Variants in SLC8A1 observed in about 807,000 individuals in gnomAD.
SLC8A1 encodes the protein sodium/calcium exchanger 1.
Under a neutral mutation model 68.3 loss-of-function variants are expected in SLC8A1, and 18 were observed. The ratio of observed to expected loss-of-function variants is 0.26; its 90% CI spans 0.18 to 0.39. SLC8A1 has a LOEUF of 0.39. SLC8A1 is among the 10% of genes least tolerant of loss of function. SLC8A1 has a pLI of 1.00. For synonymous variants in SLC8A1, 475 were observed against 415.5 expected (o/e 1.14, Z -1.74); for missense variants, 985 against 1,156.7 (o/e 0.85, Z 2.15).
At chr2:40,180,341 ATGAT>A (rs1316946111) in intron 2 of SLC8A1, among the ~76,000 whole-genome samples, 3 of 152,352 alleles carry the variant, frequency 2.0e-5, no homozygotes, top group Admixed American at 6.5e-5. Flanking sequence ...GATGTAAGGA[ATGAT>A]TGATTATTTG....
intron 2 of SLC8A1, among the ~76,000 whole-genome samples, chr2:40,327,217 T>A (rs2075924293): frequency 6.6e-6 from 1 of 152,244 alleles, no homozygotes; most frequent in Admixed American, 6.5e-5. Context: ...ACATTTCTAA[T>A]TTGATAGTCT....
chr2:40,304,165 T>C (rs1357842359), intron 2 of SLC8A1, among the ~76,000 whole-genome samples: 1 of 152,204 alleles, frequency 6.6e-6, no homozygotes, highest in East Asian at 1.9e-4. Context: ...GTTTTAATGG[T>C]AACTACAGAA....
At position 40,429,706 on chromosome 2, in the gene SLC8A1, T is replaced by C; in HGVS notation, c.575A>G (p.Asp192Gly). 1.2e-6 allele frequency: 2 copies of C among 1,613,856 alleles called. No homozygotes were observed. Among genetic ancestry groups the C allele is most frequent in the Non-Finnish European group, 1.7e-6 (2 of 1,179,910 alleles). The change falls in exon 2 of 8, where the codon GAC (aspartate) becomes GGC (glycine). Residue 192 changes from aspartate to glycine, a missense_variant. By Grantham distance (94) the Asp-to-Gly change is moderately conservative. Coordinates refer to ENST00000406785, the Ensembl canonical transcript of SLC8A1. ...ATGCTTAATCTTCCTTGTCTCTCCG[T>C]CAGGCACCACATAAACACAGAGTGC... is the stretch of plus-strand genomic sequence containing the variant.
intron 1 of SLC8A1, among the ~76,000 whole-genome samples, chr2:40,500,159 A>G (rs1447318744): frequency 6.6e-6 from 1 of 152,100 alleles, no homozygotes; most frequent in African/African-American, 2.4e-5. Flanking sequence ...CAACAACAAC[A>G]AAACCCCCAG....
At chr2:40,409,273 A>C (rs772607203) in intron 2 of SLC8A1, among the ~76,000 whole-genome samples, 4 of 152,120 alleles carry the variant, frequency 2.6e-5, no homozygotes, top group Admixed American at 2.6e-4. Flanking sequence ...GGTATATTCT[A>C]ATTTTTTTCC....
Position 40,321,377 on chromosome 2 carries a change from T to A in SLC8A1, c.1808+107096A>T, listed in dbSNP as rs146843605. Among the ~76,000 whole-genome samples the A allele has an allele frequency of 2.6e-5, 4 of 152,252 alleles. No individual in the cohort carries two copies. In the East Asian group the frequency reaches 7.7e-4, roughly 29 times the overall value. ...GGATTATATTTTTCAGAAAAGAAAC[T>A]AAACCTCAAGATTTGCATGCTAAGG... is the stretch of plus-strand genomic sequence containing the variant. On this transcript the variant is annotated intron_variant, in intron 2 of 7. Transcript: ENST00000406785.
chr2:40,143,914 G>A (rs2042018046), intron 6 of SLC8A1, among the ~76,000 whole-genome samples: 1 of 152,136 alleles, frequency 6.6e-6, no homozygotes, highest in Non-Finnish European at 1.5e-5. Context: ...CCACTTTATA[G>A]TTCTGACAGC....
chr2:40,361,468 T>C (rs1394406812), intron 2 of SLC8A1, among the ~76,000 whole-genome samples: 2 of 139,286 alleles, frequency 1.4e-5, no homozygotes, highest in Non-Finnish European at 3.3e-5. Flanking sequence ...AGGAGCCTTT[T>C]TTTTTTTTTG....
chr2:40,113,445 A>G (rs764166387), exon 8 of SLC8A1: 1 of 152,694 alleles, frequency 6.5e-6, no homozygotes, highest in Non-Finnish European at 1.5e-5. Context: ...TATTCTTTTT[A>G]AAGGGTTAAA....
chr2:40,406,196 C>G (rs929944061), intron 2 of SLC8A1, among the ~76,000 whole-genome samples: 1 of 152,168 alleles, frequency 6.6e-6, no homozygotes, highest in Non-Finnish European at 1.5e-5. Flanking sequence ...AAAATTTAAA[C>G]ATATATGCCA....
chr2:40,196,865 A>C (rs1024872002), intron 2 of SLC8A1, among the ~76,000 whole-genome samples: 54 of 152,006 alleles, frequency 3.6e-4, no homozygotes, highest in African/African-American at 1.3e-3. Context: ...GATTCTTCAC[A>C]CTGTATTTTA....
intron 1 of SLC8A1, among the ~76,000 whole-genome samples, chr2:40,437,620 T>C (rs760759077): frequency 1.1e-4 from 17 of 152,184 alleles, no homozygotes; most frequent in Middle Eastern, 6.8e-3. Context: ...ATACAGAATG[T>C]TGCTATAACA....
chr2:40,484,140 T>C (rs1454103119), intron 1 of SLC8A1, among the ~76,000 whole-genome samples: 4 of 152,234 alleles, frequency 2.6e-5, no homozygotes, highest in Admixed American at 2.0e-4. Flanking sequence ...CAAATGAAAT[T>C]ATCCCTCACA....
intron 2 of SLC8A1, among the ~76,000 whole-genome samples, chr2:40,358,986 T>C (rs538188446): frequency 6.6e-6 from 1 of 151,716 alleles, no homozygotes; most frequent in East Asian, 1.9e-4. Flanking sequence ...CGGGGGTGGA[T>C]GGGGGTGGAA....
chr2:40,325,269 T>C (rs749767921), intron 2 of SLC8A1, among the ~76,000 whole-genome samples: 1 of 152,156 alleles, frequency 6.6e-6, no homozygotes, highest in Non-Finnish European at 1.5e-5. Flanking sequence ...GTAAGTGCCA[T>C]GAAAATACTT....
intron 2 of SLC8A1, among the ~76,000 whole-genome samples, chr2:40,197,300 G>C (rs945612665): frequency 2.0e-5 from 3 of 152,002 alleles, no homozygotes; most frequent in Non-Finnish European, 4.4e-5. Flanking sequence ...TGAGCTCAGA[G>C]ATCGTTGGCA....
exon 8 of SLC8A1, chr2:40,108,647 T>C (rs900344989): frequency 2.6e-5 from 4 of 152,196 alleles, no homozygotes; most frequent in Admixed American, 2.0e-4. Flanking sequence ...GAAAATATTA[T>C]TTTTCTCAAA....
intron 2 of SLC8A1, among the ~76,000 whole-genome samples, chr2:40,282,794 G>A (rs2067714280): frequency 6.6e-6 from 1 of 152,044 alleles, no homozygotes; most frequent in Non-Finnish European, 1.5e-5. Context: ...TCCAAATGCT[G>A]GCTGCAAGGA....
At chr2:40,391,054 C>T (rs984320815) in intron 2 of SLC8A1, among the ~76,000 whole-genome samples, 3 of 151,702 alleles carry the variant, frequency 2.0e-5, no homozygotes, top group Non-Finnish European at 4.4e-5. Flanking sequence ...GCTTTTATTA[C>T]CTTTGGATTT....
Sources: gnomAD v4.1 joint callset for allele counts (sites outside exome capture counted in the v4.1 genomes callset) on GRCh38, gnomAD v4.1.1 for gene constraint, MANE v1.5 for transcripts, NCBI Gene and HGNC (gene_info 2026-07-23, HGNC 2026-07-21) for gene names.